HSD17B12: variants seen among roughly 807,000 people sequenced by gnomAD.
The protein encoded by HSD17B12 is hydroxysteroid 17-beta dehydrogenase 12, also known as very-long-chain 3-oxoacyl-CoA reductase.
HSD17B12 carries 32 observed loss-of-function variants against 39.3 expected under a neutral mutation model. The ratio of observed to expected loss-of-function variants is 0.81; its 90% CI spans 0.61 to 1.09. The LOEUF (loss-of-function observed/expected upper bound fraction) is 1.09, where lower values mean the gene tolerates loss of function less well. HSD17B12 is among the 50% of genes least tolerant of loss of function. HSD17B12 has a pLI of 0.00. For missense variants in HSD17B12, 342 were observed against 382.9 expected (o/e 0.89, Z 0.89); for synonymous variants, 150 against 146.7 (o/e 1.02, Z -0.16).
At chr11:43,774,910 G>A (rs1165289582) in intron 3 of HSD17B12, among the ~76,000 whole-genome samples, 1 of 152,126 alleles carries the variant, frequency 6.6e-6, no homozygotes, top group Non-Finnish European at 1.5e-5. Flanking sequence ...ATATGGCAAA[G>A]GCAATGGGAG....
chr11:43,812,091 A>G (rs1951078578), intron 4 of HSD17B12, among the ~76,000 whole-genome samples: 1 of 152,170 alleles, frequency 6.6e-6, no homozygotes, highest in Non-Finnish European at 1.5e-5. Context: ...TTGTGTATAT[A>G]TACTAAATTT....
At chr11:43,672,301 G>C in the HSD17B12 span, among the ~76,000 whole-genome samples, 5 of 152,086 alleles carry the variant, frequency 3.3e-5, no homozygotes, top group East Asian at 7.8e-4. Flanking sequence ...CGCCTGCCTC[G>C]GCCTCCCAAA....
chr11:43,610,187 G>A, the HSD17B12 span, among the ~76,000 whole-genome samples: 67,554 of 151,868 alleles, frequency 0.44, 15,719 homozygotes, highest in East Asian at 0.79. Flanking sequence ...TATAAATATA[G>A]TTTAAAAAAT....
rs1342742603 is a variant in HSD17B12 at position 43,813,995 on chromosome 11, A to G, written c.392-1442A>G. Among the ~76,000 whole-genome samples the G allele has an allele frequency of 2.0e-5, 3 of 152,286 alleles. No individual in the cohort carries two copies. In the East Asian group the frequency reaches 5.8e-4, roughly 29 times the overall value. On this transcript the variant is annotated intron_variant, in intron 4 of 10. Transcript: ENST00000278353. Reference sequence around the variant, plus strand: ...AACTATTAATTTTGTTAGACTATTGAAAAGTTATTATTACTAATATCAGGT... The same window carrying G: ...AACTATTAATTTTGTTAGACTATTGGAAAGTTATTATTACTAATATCAGGT...
chr11:43,572,327 C>T, the HSD17B12 span, among the ~76,000 whole-genome samples: 18 of 152,186 alleles, frequency 1.2e-4, 4 homozygotes, highest in Admixed American at 1.1e-3. Flanking sequence ...CAGGGGGCAT[C>T]TATTCGCTAA....
chr11:43,720,545 G>T (rs556986933), intron 1 of HSD17B12, among the ~76,000 whole-genome samples: 1 of 152,232 alleles, frequency 6.6e-6, no homozygotes, highest in African/African-American at 2.4e-5. Flanking sequence ...CCTGCCATCA[G>T]GTCCCAAAAC....
chr11:43,692,106 T>G (rs1256538244), intron 1 of HSD17B12, among the ~76,000 whole-genome samples: 1 of 152,236 alleles, frequency 6.6e-6, no homozygotes, highest in Non-Finnish European at 1.5e-5. Flanking sequence ...TGTATGTATA[T>G]GTGTGCATGT....
At chr11:43,596,080 A>G in the HSD17B12 span, among the ~76,000 whole-genome samples, 1 of 152,124 alleles carries the variant, frequency 6.6e-6, no homozygotes, top group Non-Finnish European at 1.5e-5. Context: ...TTATAGGGGA[A>G]AGGTCTCACT....
chr11:43,630,390 C>A, the HSD17B12 span, among the ~76,000 whole-genome samples: 3 of 152,192 alleles, frequency 2.0e-5, no homozygotes, highest in Non-Finnish European at 4.4e-5. Flanking sequence ...CCCAGCTATA[C>A]TCAAAGCGGG....
chr11:43,697,869 G>T (rs1949926327), intron 1 of HSD17B12, among the ~76,000 whole-genome samples: 1 of 152,208 alleles, frequency 6.6e-6, no homozygotes, highest in African/African-American at 2.4e-5. Context: ...TGAGTCTACA[G>T]TAAGAGTTTG....
intron 1 of HSD17B12, among the ~76,000 whole-genome samples, chr11:43,718,200 A>G (rs543829067): frequency 6.6e-6 from 1 of 152,344 alleles, no homozygotes; most frequent in South Asian, 2.1e-4. Flanking sequence ...GAGAATGTCA[A>G]GTTCCTATAG....
chr11:43,577,831 A>G, the HSD17B12 span, among the ~76,000 whole-genome samples: 1 of 152,258 alleles, frequency 6.6e-6, no homozygotes, highest in Admixed American at 6.5e-5. Flanking sequence ...CAAAAGCTAA[A>G]GGAGTCTAAA....
the HSD17B12 span, among the ~76,000 whole-genome samples, chr11:43,656,809 C>A: frequency 1.7e-4 from 26 of 152,106 alleles, no homozygotes; most frequent in Middle Eastern, 3.2e-3. Context: ...CTGAGGAGTG[C>A]TTTACTTCCA....
chr11:43,683,639 G>A (rs1052389308), intron 1 of HSD17B12, among the ~76,000 whole-genome samples: 3 of 152,162 alleles, frequency 2.0e-5, no homozygotes, highest in Non-Finnish European at 4.4e-5. Context: ...ATTGTTGTAT[G>A]TAAATAGTAC....
At chr11:43,593,218 T>C in the HSD17B12 span, among the ~76,000 whole-genome samples, 1 of 152,340 alleles carries the variant, frequency 6.6e-6, no homozygotes, top group Non-Finnish European at 1.5e-5. Context: ...GCTACCCTAA[T>C]GTTAGAACGG....
chr11:43,733,794 T>G, intron 1 of HSD17B12: 1 of 711,120 alleles, frequency 1.4e-6, no homozygotes, highest in South Asian at 1.4e-5. Flanking sequence ...TTGGCAAGTT[T>G]GGCCTGGTCT....
At chr11:43,772,261 G>T (rs1950657406) in intron 3 of HSD17B12, among the ~76,000 whole-genome samples, 1 of 152,128 alleles carries the variant, frequency 6.6e-6, no homozygotes, top group Non-Finnish European at 1.5e-5. Flanking sequence ...TGGAAAATAA[G>T]CCATCATAAA....
At chr11:43,654,570 G>A in the HSD17B12 span, among the ~76,000 whole-genome samples, 2 of 151,940 alleles carry the variant, frequency 1.3e-5, no homozygotes, top group Admixed American at 1.3e-4. Context: ...ATTAATTTTT[G>A]TATAAGATGT....
chr11:43,721,684 G>T (rs1275608394), intron 1 of HSD17B12, among the ~76,000 whole-genome samples: 1 of 152,090 alleles, frequency 6.6e-6, no homozygotes, highest in Non-Finnish European at 1.5e-5. Context: ...GTGGGCCTGG[G>T]CTTGGGGTGT....
Sources: allele counts gnomAD v4.1 joint callset (sites outside exome capture counted in the v4.1 genomes callset), GRCh38; gene constraint gnomAD v4.1.1; transcripts MANE v1.5; gene names NCBI Gene and HGNC (gene_info 2026-07-23, HGNC 2026-07-21).